Variants in MGAT5 observed in about 807,000 individuals in gnomAD.
MGAT5 encodes the protein alpha-1,6-mannosylglycoprotein 6-beta-N-acetylglucosaminyltransferase.
Under a neutral mutation model 94.3 loss-of-function variants are expected in MGAT5, and 30 were observed. That is an observed-to-expected ratio of 0.32 (90% CI 0.24 to 0.43). The LOEUF (loss-of-function observed/expected upper bound fraction) is 0.43, where lower values mean the gene tolerates loss of function less well. Ranked by LOEUF, MGAT5 falls within the 20% of genes least tolerant of loss-of-function variation. MGAT5 has a pLI of 1.00. For synonymous variants in MGAT5, 310 were observed against 322.9 expected (o/e 0.96, Z 0.43); for missense variants, 691 against 905.5 (o/e 0.76, Z 3.04).
chr2:134,185,863 T>C (rs1389029716), intron 1 of MGAT5, among the ~76,000 whole-genome samples: 2 of 152,222 alleles, frequency 1.3e-5, no homozygotes, highest in Non-Finnish European at 2.9e-5. Context: ...CAGAGGCTGC[T>C]GTCCACAGCA....
At chr2:134,182,361 T>C (rs1339077879) in intron 1 of MGAT5, among the ~76,000 whole-genome samples, 2 of 152,140 alleles carry the variant, frequency 1.3e-5, no homozygotes, top group Non-Finnish European at 2.9e-5. Context: ...AATAAAACAA[T>C]ATGTTATTTC....
At chr2:134,243,046 G>T (rs1469046434) in intron 1 of MGAT5, among the ~76,000 whole-genome samples, 1 of 151,570 alleles carries the variant, frequency 6.6e-6, no homozygotes, top group Non-Finnish European at 1.5e-5. Flanking sequence ...GGTGGGAGAA[G>T]AGCAGAGAGC....
At chr2:134,403,598 G>C (rs576596862) in intron 11 of MGAT5, among the ~76,000 whole-genome samples, 7 of 152,308 alleles carry the variant, frequency 4.6e-5, no homozygotes, top group Admixed American at 4.6e-4. Flanking sequence ...GTTCAGATGA[G>C]GGCAAAGTCC....
At position 134,380,575 on chromosome 2, in the gene MGAT5, C is replaced by G. The variant is rs35244971; in HGVS notation, c.1380+18167C>G. On this transcript the variant is annotated intron_variant, in intron 10 of 15. Coordinates refer to ENST00000281923, the MANE Select transcript of MGAT5 (RefSeq NM_002410.5). Reference sequence around the variant, plus strand: ...TCTCTGTGAGCTTCCGTTTCTTCATCTGTTACCCGGCAGGTTCACTGTGAA... The same window carrying G: ...TCTCTGTGAGCTTCCGTTTCTTCATGTGTTACCCGGCAGGTTCACTGTGAA... 4.3e-3 allele frequency among the ~76,000 whole-genome samples: 658 copies of G among 152,340 alleles called. 2 individuals carry two copies. The highest frequency in any genetic ancestry group is 0.01 in the Middle Eastern group (3 of 294).
chr2:134,408,700 C>T (rs112428506), intron 11 of MGAT5, among the ~76,000 whole-genome samples: 1,942 of 152,252 alleles, frequency 0.013, 49 homozygotes, highest in African/African-American at 0.045. Context: ...ACTGTTTATC[C>T]CTTCCTTAAG....
chr2:134,335,711 C>A (rs1688296001), intron 4 of MGAT5, among the ~76,000 whole-genome samples: 1 of 152,018 alleles, frequency 6.6e-6, no homozygotes, highest in Admixed American at 6.6e-5. Context: ...AAACCTTGAC[C>A]AATTAGCCCT....
chr2:134,244,659 T>A (rs900819823), intron 1 of MGAT5, among the ~76,000 whole-genome samples: 3 of 152,180 alleles, frequency 2.0e-5, no homozygotes, highest in Non-Finnish European at 4.4e-5. Context: ...GGTCTGCTTC[T>A]CTCTCACTCT....
intron 2 of MGAT5, among the ~76,000 whole-genome samples, chr2:134,296,371 G>T (rs1425854143): frequency 2.0e-5 from 3 of 152,192 alleles, no homozygotes; most frequent in African/African-American, 7.2e-5. Flanking sequence ...GGGAGTGGCT[G>T]CCTGGCTCTT....
intron 15 of MGAT5, among the ~76,000 whole-genome samples, chr2:134,443,724 G>A (rs566991725): frequency 6.6e-6 from 1 of 152,358 alleles, no homozygotes; most frequent in South Asian, 2.1e-4. Flanking sequence ...GTAGGGTCCT[G>A]TGAGGGGCTT....
chr2:134,419,685 A>G (rs1414150755), intron 12 of MGAT5, among the ~76,000 whole-genome samples: 1 of 152,230 alleles, frequency 6.6e-6, no homozygotes, highest in East Asian at 1.9e-4. Flanking sequence ...AGGGGAACTA[A>G]TGAATCACAA....
intron 1 of MGAT5, among the ~76,000 whole-genome samples, chr2:134,245,275 T>C (rs1243831264): frequency 6.6e-6 from 1 of 152,220 alleles, no homozygotes; most frequent in Admixed American, 6.5e-5. Flanking sequence ...CCTCCCAAAG[T>C]GCGGATTACA....
chr2:134,239,198 C>T (rs1205263242), intron 1 of MGAT5, among the ~76,000 whole-genome samples: 1 of 152,060 alleles, frequency 6.6e-6, no homozygotes, highest in East Asian at 1.9e-4. Flanking sequence ...CAGGGGTTCA[C>T]CGTGTTAGCC....
intron 1 of MGAT5, among the ~76,000 whole-genome samples, chr2:134,140,724 T>C (rs979459999): frequency 6.6e-6 from 1 of 152,218 alleles, no homozygotes; most frequent in African/African-American, 2.4e-5. Flanking sequence ...ATACTTTCCA[T>C]TGATTTATCT....
intron 14 of MGAT5, among the ~76,000 whole-genome samples, chr2:134,429,552 C>G (rs527811318): frequency 2.0e-5 from 3 of 152,154 alleles, no homozygotes; most frequent in African/African-American, 7.2e-5. Flanking sequence ...GGGCCTACTT[C>G]GTAGGGCTGA....
chr2:134,388,481 T>C (rs1304809619), intron 10 of MGAT5, among the ~76,000 whole-genome samples: 2 of 152,074 alleles, frequency 1.3e-5, no homozygotes, highest in African/African-American at 2.4e-5. Flanking sequence ...TAATTAACAG[T>C]AAATTTTTTA....
intron 1 of MGAT5, among the ~76,000 whole-genome samples, chr2:134,120,633 G>GT (rs1174510393): frequency 6.6e-6 from 1 of 152,036 alleles, no homozygotes; most frequent in East Asian, 2.0e-4. Context: ...GGAAGCTCTG[G>GT]TTGCGCGGGC....
chr2:134,384,711 A>G (rs1235016065), intron 10 of MGAT5, among the ~76,000 whole-genome samples: 4 of 152,238 alleles, frequency 2.6e-5, no homozygotes, highest in African/African-American at 9.6e-5. Flanking sequence ...CTACAGATTC[A>G]AAGTGATAGA....
intron 1 of MGAT5, among the ~76,000 whole-genome samples, chr2:134,262,318 A>G (rs1381832295): frequency 6.6e-6 from 1 of 151,978 alleles, no homozygotes; most frequent in Non-Finnish European, 1.5e-5. Flanking sequence ...GGCTCTAGCA[A>G]CCTCCCCCTC....
chr2:134,282,230 C>G (rs769383673), intron 2 of MGAT5, among the ~76,000 whole-genome samples: 12 of 152,204 alleles, frequency 7.9e-5, no homozygotes, highest in Non-Finnish European at 8.8e-5. Flanking sequence ...TGGTTGCTCC[C>G]TGAGGGCAGA....
Sources: gnomAD v4.1 joint callset for allele counts (sites outside exome capture counted in the v4.1 genomes callset) on GRCh38, gnomAD v4.1.1 for gene constraint, MANE v1.5 for transcripts, NCBI Gene and HGNC (gene_info 2026-07-23, HGNC 2026-07-21) for gene names.